The following CDC42BPA variants were observed in gnomAD, a reference collection of about 807,000 sequenced individuals.
CDC42BPA encodes the protein CDC42 binding protein kinase alpha.
A neutral mutation model predicts 223.5 loss-of-function variants in CDC42BPA; 80 were observed. That is an observed-to-expected ratio of 0.36 (90% CI 0.30 to 0.43). CDC42BPA has a LOEUF of 0.43. Ranked by LOEUF, CDC42BPA falls within the 20% of genes least tolerant of loss-of-function variation. CDC42BPA has a pLI of 1.00. For synonymous variants in CDC42BPA, 694 were observed against 718.6 expected (o/e 0.97, Z 0.55); for missense variants, 1,743 against 2,099.9 (o/e 0.83, Z 3.32).
intron 14 of CDC42BPA, chr1:227,111,984 G>A (rs1453162946): frequency 1.1e-4 from 20 of 185,220 alleles, no homozygotes; most frequent in Middle Eastern, 2.2e-3. Flanking sequence ...AGCTTCTCCT[G>A]AGTCATTTAT....
At chr1:227,203,407 G>A (rs1672128908) in intron 3 of CDC42BPA, among the ~76,000 whole-genome samples, 1 of 152,042 alleles carries the variant, frequency 6.6e-6, no homozygotes, top group Non-Finnish European at 1.5e-5. Flanking sequence ...TCTGGCCCCA[G>A]TTGTCAATGA....
chr1:227,146,610 TTTC>T (rs1438906473), intron 7 of CDC42BPA, among the ~76,000 whole-genome samples: 3 of 152,160 alleles, frequency 2.0e-5, no homozygotes, highest in African/African-American at 4.8e-5. Flanking sequence ...TAATAAAACC[TTTC>T]TTCTTATTAT....
chr1:227,113,004 A>T, intron 12 of CDC42BPA, 91 bp from the exon 13 acceptor site: 5 of 1,215,366 alleles, frequency 4.1e-6, no homozygotes, highest in Non-Finnish European at 5.9e-6. Context: ...AGTCAAGAAG[A>T]GCCAAAATTA....
intron 2 of CDC42BPA, among the ~76,000 whole-genome samples, chr1:227,218,515 G>A (rs1376373028): frequency 6.6e-6 from 1 of 152,162 alleles, no homozygotes; most frequent in Non-Finnish European, 1.5e-5. Flanking sequence ...ATCTAAAGCA[G>A]ATTCTACAAT....
intron 10 of CDC42BPA, among the ~76,000 whole-genome samples, chr1:227,135,459 TC>T (rs1305093507): frequency 6.6e-6 from 1 of 151,992 alleles, no homozygotes; most frequent in Non-Finnish European, 1.5e-5. Context: ...AGAATAAATC[TC>T]CCATAGTTTA....
intron 17 of CDC42BPA, among the ~76,000 whole-genome samples, chr1:227,080,686 AT>A (rs1341969579): frequency 6.6e-6 from 1 of 152,216 alleles, no homozygotes; most frequent in African/African-American, 2.4e-5. Context: ...GGTATGGGAC[AT>A]TTGTTAGAGT....
chr1:227,146,836 C>T (rs1660791020), intron 7 of CDC42BPA, among the ~76,000 whole-genome samples: 1 of 152,124 alleles, frequency 6.6e-6, no homozygotes, highest in Admixed American at 6.5e-5. Flanking sequence ...TTTTAAGGCT[C>T]TAGGTGCACA....
chr1:227,260,193 T>C (rs1208211000), intron 1 of CDC42BPA, among the ~76,000 whole-genome samples: 1 of 150,954 alleles, frequency 6.6e-6, no homozygotes, highest in Admixed American at 6.6e-5. Context: ...TTGAAATAAA[T>C]ACAGATGCTG....
chr1:227,229,417 T>C (rs1677428249), intron 2 of CDC42BPA, among the ~76,000 whole-genome samples: 1 of 152,214 alleles, frequency 6.6e-6, no homozygotes. Context: ...CATTGCTTTG[T>C]AGTAAGTTTT....
intron 21 of CDC42BPA, among the ~76,000 whole-genome samples, chr1:227,055,637 G>T (rs536697800): frequency 6.6e-6 from 1 of 151,960 alleles, no homozygotes; most frequent in Non-Finnish European, 1.5e-5. Context: ...AGCCATGGAA[G>T]TTAAAATATT....
At chr1:227,041,485 T>C (rs1048242247) in intron 23 of CDC42BPA, among the ~76,000 whole-genome samples, 1 of 152,180 alleles carries the variant, frequency 6.6e-6, no homozygotes, top group Non-Finnish European at 1.5e-5. Flanking sequence ...TCAAGTAGCA[T>C]TTATTTCAGT....
At chr1:227,035,134 A>G (rs1176484338) in intron 25 of CDC42BPA, among the ~76,000 whole-genome samples, 1 of 152,208 alleles carries the variant, frequency 6.6e-6, no homozygotes, top group Admixed American at 6.5e-5. Flanking sequence ...CTTACATTGT[A>G]AATACTACCC....
At chr1:227,048,230 G>T (rs927764507) in intron 22 of CDC42BPA, among the ~76,000 whole-genome samples, 1 of 151,908 alleles carries the variant, frequency 6.6e-6, no homozygotes, top group South Asian at 2.1e-4. Context: ...TGTTCAATTA[G>T]TAAGTTACTT....
intron 2 of CDC42BPA, among the ~76,000 whole-genome samples, chr1:227,219,066 A>G (rs76569448): frequency 0.054 from 8,214 of 152,270 alleles, 244 homozygotes; most frequent in Non-Finnish European, 0.072. Context: ...GAAGACTAGC[A>G]CCATCAAAGG....
intron 35 of CDC42BPA, chr1:227,004,602 T>G: frequency 4.1e-6 from 1 of 245,198 alleles, no homozygotes; most frequent in Non-Finnish European, 8.3e-6. Flanking sequence ...CTTCTTTCAG[T>G]TAACCAAACA....
chr1:227,204,774 G>C (rs374054302), intron 3 of CDC42BPA, among the ~76,000 whole-genome samples: 46 of 152,194 alleles, frequency 3.0e-4, no homozygotes, highest in African/African-American at 4.3e-4. Flanking sequence ...CATGCAGATA[G>C]ATAAATGGTA....
At chr1:227,181,003 C>T (rs535164224) in intron 5 of CDC42BPA, among the ~76,000 whole-genome samples, 2 of 151,906 alleles carry the variant, frequency 1.3e-5, no homozygotes, top group East Asian at 1.9e-4. Context: ...CCACATGATG[C>T]TGTTAAGTCA....
chr1:227,074,509 T>C (rs1679063918), intron 17 of CDC42BPA, 145 bp from the exon 18 acceptor site: 1 of 583,916 alleles, frequency 1.7e-6, no homozygotes, highest in Non-Finnish European at 2.9e-6. Context: ...TACCATAGTA[T>C]ACTACCTGTC....
At chr1:227,245,334 G>A (rs1035624567) in intron 2 of CDC42BPA, among the ~76,000 whole-genome samples, 9 of 140,528 alleles carry the variant, frequency 6.4e-5, no homozygotes, top group East Asian at 2.3e-4. Context: ...TTGTCGCCTG[G>A]GCTGGAGTAC....
Sources: allele counts gnomAD v4.1 joint callset (sites outside exome capture counted in the v4.1 genomes callset), GRCh38; gene constraint gnomAD v4.1.1; transcripts MANE v1.5; gene names NCBI Gene and HGNC (gene_info 2026-07-23, HGNC 2026-07-21).